Variants in MUSK observed in about 807,000 individuals in gnomAD.
MUSK encodes muscle associated receptor tyrosine kinase.
MUSK carries 55 observed loss-of-function variants against 88.7 expected under a neutral mutation model. The observed-to-expected ratio is 0.62, with a 90% CI of 0.50 to 0.78. The LOEUF is 0.78. MUSK is among the 30% of genes least tolerant of loss of function. The pLI is 0.00. For synonymous variants in MUSK, 387 were observed against 391.9 expected (o/e 0.99, Z 0.15); for missense variants, 1,015 against 1,074.3 (o/e 0.94, Z 0.77).
In MUSK at chr9:110,687,183, C is replaced by G. The variant is rs1238167797; in HGVS notation, c.273C>G (p.Asp91Glu). ...TCCTCACCATCCTGAGTGTGGAAGA[C>G]AGTGATGATGGCATTTACTGCTGCA... ...GQLLTILSVE[D>E]SDDGIYCCTA... is the part of the protein sequence containing the mutation. The change falls in exon 3 of 15, where the codon GAC (aspartate) becomes GAG (glutamate). Residue 91 changes from aspartate (D) to glutamate (E), a missense_variant. Transcript: ENST00000374448. 1 of 1,613,644 alleles carries G rather than the reference C, an allele frequency of 6.2e-7. No individual in the cohort carries two copies. The highest frequency in any genetic ancestry group is 1.3e-5 in the African/African-American group (1 of 74,876).
chr9:110,720,585 T>C (rs894934199), intron 5 of MUSK, among the ~76,000 whole-genome samples: 2 of 151,872 alleles, frequency 1.3e-5, no homozygotes, highest in Non-Finnish European at 2.9e-5. Flanking sequence ...AGCAGAAAGA[T>C]TGAAATGGTA....
At chr9:110,736,491 A>G (rs1419922626) in intron 6 of MUSK, among the ~76,000 whole-genome samples, 1 of 152,068 alleles carries the variant, frequency 6.6e-6, no homozygotes, top group Non-Finnish European at 1.5e-5. Context: ...TGTCAGAAAA[A>G]CAGCAAGGAG....
intron 6 of MUSK, among the ~76,000 whole-genome samples, chr9:110,743,114 G>T (rs1291812234): frequency 6.6e-6 from 1 of 152,184 alleles, no homozygotes; most frequent in Admixed American, 6.5e-5. Context: ...CTCACTACGA[G>T]TTAGTAAACT....
chr9:110,689,731 T>TATA (rs1564217948), intron 3 of MUSK, among the ~76,000 whole-genome samples: 3 of 74,264 alleles, frequency 4.0e-5, no homozygotes, highest in Non-Finnish European at 6.6e-5. Flanking sequence ...TATATATAGT[T>TATA]TATATATAAT....
chr9:110,746,104 A>G (rs1307669847), intron 6 of MUSK, among the ~76,000 whole-genome samples: 1 of 152,222 alleles, frequency 6.6e-6, no homozygotes, highest in Non-Finnish European at 1.5e-5. Context: ...TCAGCCAAGC[A>G]GCCAAGCTCA....
At chr9:110,756,617 T>C (rs531273471) in intron 7 of MUSK, among the ~76,000 whole-genome samples, 1 of 151,982 alleles carries the variant, frequency 6.6e-6, no homozygotes. Flanking sequence ...AGTTGAAAAA[T>C]GACTCCATGA....
chr9:110,688,938 G>A (rs537278035), intron 3 of MUSK, among the ~76,000 whole-genome samples: 224 of 143,452 alleles, frequency 1.6e-3, no homozygotes, highest in African/African-American at 5.2e-3. Flanking sequence ...ATAAATATAT[G>A]TAAACATATA....
chr9:110,775,424 G>A, intron 9 of MUSK: 1 of 252,544 alleles, frequency 4.0e-6, no homozygotes, highest in South Asian at 4.7e-5. Context: ...ACTTTCAGTA[G>A]GTGTGTTTTT....
intron 7 of MUSK, among the ~76,000 whole-genome samples, chr9:110,754,403 A>AT (rs1167690547): frequency 6.6e-6 from 1 of 152,186 alleles, no homozygotes; most frequent in Non-Finnish European, 1.5e-5. Context: ...TATTTTGAGA[A>AT]TTTTTTAAAA....
intron 7 of MUSK, among the ~76,000 whole-genome samples, chr9:110,755,728 T>A (rs1488397932): frequency 6.6e-6 from 1 of 151,932 alleles, no homozygotes; most frequent in African/African-American, 2.4e-5. Flanking sequence ...TTATACACCC[T>A]TCCCTTCTTC....
rs1041504914 is a variant in MUSK, at chr9:110,801,543, G to A, written c.*555G>A. Reference sequence around the variant, plus strand: ...TTAATGCATAATTTTATATTTGTTTGTATTCTGCAGAGTTGTGGTTACATT... The same window carrying A: ...TTAATGCATAATTTTATATTTGTTTATATTCTGCAGAGTTGTGGTTACATT... On this transcript the variant is annotated 3_prime_UTR_variant, in exon 15 of 15. Coordinates refer to ENST00000374448, the MANE Select transcript of MUSK (RefSeq NM_005592.4). 3 of 152,280 alleles carry A rather than the reference G, an allele frequency of 2.0e-5. No individual in the cohort carries two copies. The highest frequency in any genetic ancestry group is 2.1e-4 in the South Asian group (1 of 4,826). The allele number at this position is 152,280 out of a possible 1,614,324, so 9.4% of individuals were successfully genotyped here. A position where few individuals can be genotyped will look rare whatever the true frequency, so the allele number is the denominator to read the frequency against.
chr9:110,761,901 C>A (rs575422493), intron 7 of MUSK: 15 of 985,220 alleles, frequency 1.5e-5, no homozygotes, highest in Non-Finnish European at 1.8e-5. Context: ...ATGTAAAGTC[C>A]CTGGGTAGCT....
At chr9:110,756,314 C>T (rs1226138796) in intron 7 of MUSK, among the ~76,000 whole-genome samples, 2 of 151,814 alleles carry the variant, frequency 1.3e-5, no homozygotes, top group African/African-American at 2.4e-5. Flanking sequence ...CTCTCATAAT[C>T]CCCAGTCCTT....
intron 3 of MUSK, among the ~76,000 whole-genome samples, chr9:110,691,333 A>G (rs1407389827): frequency 7.9e-5 from 12 of 152,114 alleles, no homozygotes; most frequent in Admixed American, 7.2e-4. Context: ...TTTGCCTCCA[A>G]GTAGAGTTTG....
At chr9:110,690,975 C>T (rs930544035) in intron 3 of MUSK, among the ~76,000 whole-genome samples, 2 of 150,764 alleles carry the variant, frequency 1.3e-5, no homozygotes, top group African/African-American at 4.9e-5. Context: ...AGCAATTCTC[C>T]TGCCTCAGCC....
intron 11 of MUSK, among the ~76,000 whole-genome samples, chr9:110,778,374 T>G (rs545977830): frequency 3.3e-4 from 50 of 152,262 alleles, no homozygotes; most frequent in Middle Eastern, 3.4e-3. Context: ...TGAATCTGTC[T>G]TCTATTTCAG....
At chr9:110,691,963 C>A (rs776392696) in intron 3 of MUSK, among the ~76,000 whole-genome samples, 1 of 152,088 alleles carries the variant, frequency 6.6e-6, no homozygotes, top group Non-Finnish European at 1.5e-5. Flanking sequence ...TCCTCTGTTG[C>A]AGATGAGAAG....
chr9:110,775,039 G>T (rs949728745), intron 9 of MUSK, among the ~76,000 whole-genome samples: 5 of 152,038 alleles, frequency 3.3e-5, no homozygotes, highest in Non-Finnish European at 5.9e-5. Context: ...TTTTTCCTAT[G>T]CAGTTTGTCC....
At position 110,800,763 on chromosome 9, in the gene MUSK, C is replaced by T; in HGVS notation, c.2385C>T (p.Ile795=). 6.2e-7 allele frequency: 1 copy of T among 1,614,018 alleles called. No individual in the cohort carries two copies. Among genetic ancestry groups the T allele is most frequent in the South Asian group, 1.1e-5 (1 of 91,086 alleles). Residue 795 remains isoleucine, a synonymous_variant, in exon 15 of 15, where the codon ATC becomes ATT. Transcript: ENST00000374448. Reference sequence around the variant, plus strand: ...CCTATGGCGTGGTCCTCTGGGAGATCTTCTCCTATGGCCTGCAGCCCTACT... The same window carrying T: ...CCTATGGCGTGGTCCTCTGGGAGATTTTCTCCTATGGCCTGCAGCCCTACT... The part of the protein sequence containing the change: ...VWAYGVVLWE[I]FSYGLQPYYG...
Sources: gnomAD v4.1 joint callset for allele counts (sites outside exome capture counted in the v4.1 genomes callset) on GRCh38, gnomAD v4.1.1 for gene constraint, MANE v1.5 for transcripts, NCBI Gene and HGNC (gene_info 2026-07-23, HGNC 2026-07-21) for gene names.